GNG12: variants seen among roughly 807,000 people sequenced by gnomAD.
GNG12 encodes the protein G protein subunit gamma 12.
For synonymous variants in GNG12, 28 were observed against 29.7 expected, an observed-to-expected ratio of 0.94 and a Z score of 0.19; for missense variants, 69 against 83.8, an observed-to-expected ratio of 0.82 and a Z score of 0.69.
intron 1 of GNG12, among the ~76,000 whole-genome samples, chr1:67,811,238 T>C (rs1350159378): frequency 6.6e-6 from 1 of 152,178 alleles, no homozygotes; most frequent in African/African-American, 2.4e-5. Context: ...GTGGAACACA[T>C]ACAGTTGAAC....
At chr1:67,705,845 AG>A (rs896559316) in intron 3 of GNG12, among the ~76,000 whole-genome samples, 7 of 152,204 alleles carry the variant, frequency 4.6e-5, no homozygotes, top group African/African-American at 1.7e-4. Context: ...GGGAGTGCTG[AG>A]GACACACCGC....
chr1:67,791,349 G>A (rs1381288061), intron 1 of GNG12, among the ~76,000 whole-genome samples: 1 of 151,996 alleles, frequency 6.6e-6, no homozygotes, highest in Non-Finnish European at 1.5e-5. Flanking sequence ...CAAATCTGAT[G>A]ACTCTCAAAT....
intron 1 of GNG12, among the ~76,000 whole-genome samples, chr1:67,782,130 C>T (rs968294198): frequency 1.3e-5 from 2 of 152,092 alleles, no homozygotes; most frequent in Non-Finnish European, 2.9e-5. Flanking sequence ...TGTAAAAGGG[C>T]TTTTGACACA....
intron 1 of GNG12, among the ~76,000 whole-genome samples, chr1:67,788,884 G>A (rs1326931130): frequency 6.6e-6 from 1 of 152,192 alleles, no homozygotes; most frequent in African/African-American, 2.4e-5. Context: ...TATCTGACAG[G>A]CAGAGAGTGG....
Position 67,830,241 on chromosome 1 carries a change from G to A in GNG12, c.-77+3103C>T, listed in dbSNP as rs190244494. Among the ~76,000 whole-genome samples the A allele has an allele frequency of 4.1e-3, 620 of 152,284 alleles. 2 individuals are homozygous for A. The highest frequency in any genetic ancestry group is 0.014 in the African/African-American group (596 of 41,546). ...GCTGGTCTTGAACTCCCGACCTCAG[G>A]TGATCCGCCCACCTTGGCCTCCCAA... On this transcript the variant is annotated intron_variant, in intron 1 of 3. Coordinates refer to ENST00000370982, the MANE Select transcript of GNG12 (RefSeq NM_018841.6).
At chr1:67,761,527 G>A (rs566509853) in intron 2 of GNG12, among the ~76,000 whole-genome samples, 6 of 152,136 alleles carry the variant, frequency 3.9e-5, no homozygotes, top group Non-Finnish European at 7.3e-5. Flanking sequence ...ATGAGTTACT[G>A]TCTAGGGAAA....
At chr1:67,811,005 T>C (rs1330703018) in intron 1 of GNG12, among the ~76,000 whole-genome samples, 1 of 152,162 alleles carries the variant, frequency 6.6e-6, no homozygotes, top group African/African-American at 2.4e-5. Context: ...CAGCATCACC[T>C]GGAAACTGGT....
chr1:67,822,109 GTTTA>G, intron 1 of GNG12, among the ~76,000 whole-genome samples: 2 of 152,106 alleles, frequency 1.3e-5, no homozygotes, highest in East Asian at 3.9e-4. Context: ...TTTTAAGCAA[GTTTA>G]TGAATTTGTA....
At position 67,833,381 on chromosome 1, in the gene GNG12, A is replaced by C. The variant is rs1487937473; in HGVS notation, c.-114T>G. On this transcript the variant is annotated 5_prime_UTR_variant, in exon 1 of 4. Transcript: ENST00000370982. Reference sequence around the variant, plus strand: ...GCGCTGCCCCGCCGTCGCCGCCGGGACTCGGTCTCTAAGGGCTCCTGGAGA... The same window carrying C: ...GCGCTGCCCCGCCGTCGCCGCCGGGCCTCGGTCTCTAAGGGCTCCTGGAGA... 1 of 984,108 alleles carries C rather than the reference A, an allele frequency of 1.0e-6. No individual in the cohort carries two copies. The highest frequency in any genetic ancestry group is 1.2e-6 in the Non-Finnish European group (1 of 829,740). The allele number at this position is 984,108 out of a possible 1,614,324, so 61.0% of individuals were successfully genotyped here. A position where few individuals can be genotyped will look rare whatever the true frequency, so the allele number is the denominator to read the frequency against.
At chr1:67,716,794 G>A (rs901538856) in intron 2 of GNG12, among the ~76,000 whole-genome samples, 2 of 152,206 alleles carry the variant, frequency 1.3e-5, no homozygotes, top group African/African-American at 4.8e-5. Flanking sequence ...AAGCGTGAAG[G>A]CAAGTGGCTT....
chr1:67,723,332 T>C (rs1646366614), intron 2 of GNG12, among the ~76,000 whole-genome samples: 2 of 152,150 alleles, frequency 1.3e-5, no homozygotes, highest in African/African-American at 2.4e-5. Context: ...GAAGCCACCC[T>C]GGACAGGGCA....
At chr1:67,727,550 G>T (rs1044144744) in intron 2 of GNG12, among the ~76,000 whole-genome samples, 1 of 152,154 alleles carries the variant, frequency 6.6e-6, no homozygotes, top group East Asian at 1.9e-4. Flanking sequence ...ATGATCTCTG[G>T]ATGCATGTGC....
At chr1:67,730,174 T>C (rs1646410666) in intron 2 of GNG12, among the ~76,000 whole-genome samples, 1 of 151,942 alleles carries the variant, frequency 6.6e-6, no homozygotes, top group Non-Finnish European at 1.5e-5. Flanking sequence ...CTCGCAAACA[T>C]AAAATTGAGT....
chr1:67,709,962 T>TTATATATATAGTTA (rs1646276884), intron 2 of GNG12, among the ~76,000 whole-genome samples: 1 of 39,604 alleles, frequency 2.5e-5, no homozygotes, highest in African/African-American at 8.9e-5. Context: ...ATATATATAG[T>TTATATATATAGTTA]TATATATATA....
At chr1:67,777,395 G>A (rs1646712075) in intron 2 of GNG12, 63 bp downstream of exon 2, 1 of 259,618 alleles carries the variant, frequency 3.9e-6, no homozygotes, top group Non-Finnish European at 6.0e-6. Flanking sequence ...TAACTTAGAA[G>A]TGTGAATATC....
chr1:67,734,035 G>A (rs1557599854), intron 2 of GNG12, among the ~76,000 whole-genome samples: 1 of 152,146 alleles, frequency 6.6e-6, no homozygotes. Context: ...TTGCTCAAAT[G>A]CAGGAAACTT....
intron 2 of GNG12, among the ~76,000 whole-genome samples, chr1:67,766,105 C>T (rs987326539): frequency 1.0e-4 from 13 of 125,824 alleles, no homozygotes; most frequent in African/African-American, 1.7e-4. Context: ...AAGGCACACA[C>T]GCACACACAC....
intron 1 of GNG12, among the ~76,000 whole-genome samples, chr1:67,798,486 TCAGA>T (rs1646845060): frequency 1.3e-5 from 2 of 152,044 alleles, no homozygotes; most frequent in African/African-American, 4.8e-5. Context: ...GAGAAAAAGG[TCAGA>T]CAGAAATTAT....
chr1:67,801,913 A>T (rs940049379), intron 1 of GNG12, among the ~76,000 whole-genome samples: 2 of 147,326 alleles, frequency 1.4e-5, no homozygotes, highest in Non-Finnish European at 3.0e-5. Context: ...AGTGGAAGAA[A>T]AGGGAGGAAG....
Sources: gnomAD v4.1 joint callset for allele counts (sites outside exome capture counted in the v4.1 genomes callset) on GRCh38, gnomAD v4.1.1 for gene constraint, MANE v1.5 for transcripts, NCBI Gene and HGNC (gene_info 2026-07-23, HGNC 2026-07-21) for gene names.